Variants in DIP2C observed in about 807,000 individuals in gnomAD.
DIP2C encodes disco-interacting protein 2 homolog C.
Under a neutral mutation model 192.4 loss-of-function variants are expected in DIP2C, and 33 were observed. That is an observed-to-expected ratio of 0.17 (90% CI 0.13 to 0.23). DIP2C has a LOEUF of 0.23. Among genes scored for constraint, DIP2C ranks in the 10% least tolerant of loss-of-function variants. The probability of loss-of-function intolerance (pLI) is 1.00; values close to 1 mark genes in which losing one functional copy is unlikely to be tolerated. For synonymous variants in DIP2C, 979 were observed against 864.1 expected (o/e 1.13, Z -2.33); for missense variants, 1,537 against 2,110.1 (o/e 0.73, Z 5.32).
intron 8 of DIP2C, among the ~76,000 whole-genome samples, chr10:410,365 C>T (rs967868323): frequency 5.3e-5 from 8 of 152,196 alleles, no homozygotes; most frequent in African/African-American, 9.6e-5. Context: ...AATTGCTAGA[C>T]ACACATTTAT....
intron 3 of DIP2C, among the ~76,000 whole-genome samples, chr10:463,776 T>C (rs923773279): frequency 1.4e-4 from 21 of 152,134 alleles, no homozygotes; most frequent in Non-Finnish European, 2.9e-5. Flanking sequence ...AACAGCATGG[T>C]ACTGGTACCA....
intron 1 of DIP2C, among the ~76,000 whole-genome samples, chr10:655,345 G>A (rs1032327521): frequency 2.0e-5 from 3 of 152,184 alleles, no homozygotes; most frequent in Non-Finnish European, 4.4e-5. Context: ...GGACCCAGCT[G>A]AGCTAAAGAG....
intron 17 of DIP2C, among the ~76,000 whole-genome samples, chr10:377,745 G>A (rs1037443908): frequency 7.9e-5 from 12 of 152,108 alleles, no homozygotes; most frequent in African/African-American, 4.8e-5. Context: ...CTGCGGACAC[G>A]TCTTCTTTGA....
intron 1 of DIP2C, among the ~76,000 whole-genome samples, chr10:517,551 G>C (rs1405196375): frequency 6.6e-6 from 1 of 152,206 alleles, no homozygotes; most frequent in Non-Finnish European, 1.5e-5. Flanking sequence ...CCTGCTGGCG[G>C]TGAAGGCAAG....
intron 1 of DIP2C, among the ~76,000 whole-genome samples, chr10:517,264 T>C (rs1846421806): frequency 6.6e-6 from 1 of 152,198 alleles, no homozygotes; most frequent in Non-Finnish European, 1.5e-5. Flanking sequence ...ACCATGAATT[T>C]ACTTACTGCC....
At chr10:295,588 A>AGGCTATTT in intron 32 of DIP2C, among the ~76,000 whole-genome samples, 1 of 1,930 alleles carries the variant, frequency 5.2e-4, no homozygotes, top group Non-Finnish European at 1.2e-3. Context: ...AAAAAAAAAA[A>AGGCTATTT]AAAAAAAAAA....
intron 1 of DIP2C, among the ~76,000 whole-genome samples, chr10:592,897 A>AT (rs914085386): frequency 5.3e-5 from 8 of 151,522 alleles, no homozygotes; most frequent in Non-Finnish European, 1.2e-4. Context: ...CCAACTGGGT[A>AT]TTTGGAAACT....
intron 7 of DIP2C, among the ~76,000 whole-genome samples, chr10:414,465 A>C (rs569150567): frequency 3.9e-5 from 6 of 152,228 alleles, no homozygotes; most frequent in African/African-American, 1.2e-4. Flanking sequence ...TTTGGACCCC[A>C]AATTGCTTAA....
chr10:644,954 G>A (rs912400628), intron 1 of DIP2C, among the ~76,000 whole-genome samples: 4 of 152,228 alleles, frequency 2.6e-5, no homozygotes, highest in Non-Finnish European at 5.9e-5. Context: ...ATGAGATGGG[G>A]AGGACTGTGA....
At chr10:543,813 T>C (rs1268259544) in intron 1 of DIP2C, among the ~76,000 whole-genome samples, 1 of 152,280 alleles carries the variant, frequency 6.6e-6, no homozygotes, top group Non-Finnish European at 1.5e-5. Flanking sequence ...CTTTTTAGCA[T>C]ATTCTCAAAG....
At chr10:361,379 T>G (rs1031390108) in intron 22 of DIP2C, among the ~76,000 whole-genome samples, 6 of 152,148 alleles carry the variant, frequency 3.9e-5, no homozygotes, top group Non-Finnish European at 8.8e-5. Flanking sequence ...GACCTCGGCG[T>G]GAGGCTGCTG....
chr10:565,225 A>G (rs1849397854), intron 1 of DIP2C, among the ~76,000 whole-genome samples: 1 of 152,110 alleles, frequency 6.6e-6, no homozygotes, highest in African/African-American at 2.4e-5. Context: ...TCCTCTCTGT[A>G]CAAAGCATCA....
At chr10:466,770 A>C (rs1030189064) in intron 3 of DIP2C, among the ~76,000 whole-genome samples, 3 of 150,890 alleles carry the variant, frequency 2.0e-5, no homozygotes, top group Admixed American at 6.7e-5. Context: ...CAGCCAAAAA[A>C]CACATGAAAA....
At chr10:603,155 C>T (rs982522388) in intron 1 of DIP2C, among the ~76,000 whole-genome samples, 2 of 151,758 alleles carry the variant, frequency 1.3e-5, no homozygotes, top group African/African-American at 4.9e-5. Context: ...TTTTCATATA[C>T]TAAGTATATA....
At chr10:286,858 C>T (rs142711623) in intron 33 of DIP2C, among the ~76,000 whole-genome samples, 5 of 152,242 alleles carry the variant, frequency 3.3e-5, no homozygotes, top group South Asian at 4.1e-4. Flanking sequence ...GTGACGTTTT[C>T]AGGGGTAAGC....
intron 32 of DIP2C, among the ~76,000 whole-genome samples, chr10:293,501 A>G (rs774482921): frequency 6.6e-6 from 1 of 152,216 alleles, no homozygotes; most frequent in Non-Finnish European, 1.5e-5. Flanking sequence ...TAATAAGACC[A>G]TCTGAACAAT....
At chr10:300,814 C>T (rs1401900721) in intron 32 of DIP2C, among the ~76,000 whole-genome samples, 2 of 145,106 alleles carry the variant, frequency 1.4e-5, no homozygotes, top group Admixed American at 6.9e-5. Flanking sequence ...AGGGGCGGCC[C>T]TGAGCGTGTG....
In DIP2C at chr10:364,426, T is replaced by C. The variant is rs1346604460; in HGVS notation, c.2425A>G (p.Ile809Val). ...TCTACGGCCAGCGCAGTGGCCACGA[T>C]GTCGTCGGCGTTGTGCCTGCGCCCG... ...VSGRRHNADD[I>V]VATALAVEPM... The change falls in exon 20 of 37, where the codon ATC becomes GTC. Residue 809 changes from isoleucine (I) to valine (V), a missense_variant. By Grantham distance (29) the Ile-to-Val change is conservative. This residue lies in a region of DIP2C where 677 missense variants were observed against 989.9 expected (regional missense o/e 0.68). Coordinates refer to ENST00000280886, the MANE Select transcript of DIP2C (RefSeq NM_014974.3). The C allele has an allele frequency of 6.2e-7, 1 of 1,614,092 alleles. No individual in the cohort carries two copies. The highest frequency in any genetic ancestry group is 8.5e-7 in the Non-Finnish European group (1 of 1,180,040).
chr10:468,181 C>A (rs1276202952), intron 3 of DIP2C, among the ~76,000 whole-genome samples: 2 of 152,174 alleles, frequency 1.3e-5, no homozygotes, highest in African/African-American at 4.8e-5. Context: ...TCTTATCTCA[C>A]ACCTTATTGT....
Sources: gnomAD v4.1 joint callset for allele counts (sites outside exome capture counted in the v4.1 genomes callset) on GRCh38, gnomAD v4.1.1 for gene constraint, gnomAD v4.1.1 regional missense constraint, MANE v1.5 for transcripts, NCBI Gene and HGNC (gene_info 2026-07-23, HGNC 2026-07-21) for gene names.